The following CPEB3 variants were observed in gnomAD, a reference collection of about 807,000 sequenced individuals.
CPEB3 encodes cytoplasmic polyadenylation element-binding protein 3.
A neutral mutation model predicts 67.2 loss-of-function variants in CPEB3; 20 were observed. The observed-to-expected ratio is 0.30, with a 90% CI of 0.21 to 0.43. CPEB3 has a LOEUF of 0.43. Among genes scored for constraint, CPEB3 ranks in the 20% least tolerant of loss-of-function variants. The probability of loss-of-function intolerance (pLI) is 1.00; values close to 1 mark genes in which losing one functional copy is unlikely to be tolerated. For missense variants in CPEB3, 746 were observed against 968.6 expected, an observed-to-expected ratio of 0.77 and a Z score of 3.05; for synonymous variants, 376 against 393.1, an observed-to-expected ratio of 0.96 and a Z score of 0.51.
At chr10:92,082,130 CA>C (rs1345950882) in intron 8 of CPEB3, among the ~76,000 whole-genome samples, 1 of 152,224 alleles carries the variant, frequency 6.6e-6, no homozygotes, top group Non-Finnish European at 1.5e-5. Context: ...CCACAATAAA[CA>C]TTTACTGAGC....
intron 2 of CPEB3, among the ~76,000 whole-genome samples, chr10:92,203,360 A>G (rs1454823741): frequency 2.1e-5 from 3 of 145,790 alleles, no homozygotes; most frequent in Admixed American, 6.9e-5. Context: ...ATATATGTAT[A>G]TATATGTATA....
intron 6 of CPEB3, among the ~76,000 whole-genome samples, chr10:92,114,389 C>A (rs1243319505): frequency 1.3e-5 from 2 of 152,136 alleles, no homozygotes; most frequent in Non-Finnish European, 2.9e-5. Context: ...AGAAAAAGAT[C>A]CCTTCAAGAA....
At chr10:92,160,303 G>A (rs1346174840) in intron 4 of CPEB3, among the ~76,000 whole-genome samples, 3 of 152,158 alleles carry the variant, frequency 2.0e-5, no homozygotes, top group Non-Finnish European at 4.4e-5. Flanking sequence ...TACGAAAGGG[G>A]ATGCATTCCA....
At chr10:92,248,698 T>C (rs1489198964) in intron 1 of CPEB3, among the ~76,000 whole-genome samples, 1 of 152,212 alleles carries the variant, frequency 6.6e-6, no homozygotes, top group East Asian at 1.9e-4. Flanking sequence ...TTTTGGCTTT[T>C]ATGATGTTCA....
intron 3 of CPEB3, among the ~76,000 whole-genome samples, chr10:92,185,765 T>C (rs1848659402): frequency 6.6e-6 from 1 of 152,230 alleles, no homozygotes; most frequent in Non-Finnish European, 1.5e-5. Flanking sequence ...TACTGGGTTT[T>C]ATTTCCCACT....
At chr10:92,128,735 A>G (rs952472452) in intron 6 of CPEB3, among the ~76,000 whole-genome samples, 25 of 152,222 alleles carry the variant, frequency 1.6e-4, no homozygotes, top group Non-Finnish European at 2.8e-4. Context: ...GCCAACAAAC[A>G]TGAAAAAAAG....
At chr10:92,198,652 T>C (rs1849355352) in intron 2 of CPEB3, among the ~76,000 whole-genome samples, 1 of 152,234 alleles carries the variant, frequency 6.6e-6, no homozygotes, top group Admixed American at 6.5e-5. Flanking sequence ...AACCATGTGC[T>C]AGGCACTGGA....
chr10:92,256,230 C>T (rs1345620045), intron 1 of CPEB3, among the ~76,000 whole-genome samples: 1 of 152,034 alleles, frequency 6.6e-6, no homozygotes, highest in East Asian at 1.9e-4. Context: ...ACCTGAACTA[C>T]AGCAGTGATC....
intron 2 of CPEB3, among the ~76,000 whole-genome samples, chr10:92,198,911 G>C (rs1030267783): frequency 2.6e-5 from 4 of 152,190 alleles, no homozygotes; most frequent in Admixed American, 2.6e-4. Context: ...GGAAGAAAGG[G>C]ACACAGACAG....
intron 4 of CPEB3, among the ~76,000 whole-genome samples, chr10:92,175,697 G>T (rs1481960813): frequency 6.6e-6 from 1 of 152,180 alleles, no homozygotes; most frequent in Non-Finnish European, 1.5e-5. Flanking sequence ...CAGAGAAAAA[G>T]ATTCACACAA....
At chr10:92,277,649 G>A (rs1231059663) in intron 1 of CPEB3, among the ~76,000 whole-genome samples, 4 of 152,156 alleles carry the variant, frequency 2.6e-5, no homozygotes, top group Admixed American at 2.0e-4. Flanking sequence ...CGAGCACGTT[G>A]GGAGGTCAAG....
chr10:92,057,287 A>G (rs1473859620), intron 9 of CPEB3, among the ~76,000 whole-genome samples: 1 of 152,140 alleles, frequency 6.6e-6, no homozygotes, highest in Non-Finnish European at 1.5e-5. Context: ...CTGACTTAAG[A>G]GCCCTAGGGC....
intron 9 of CPEB3, among the ~76,000 whole-genome samples, chr10:92,075,553 A>G (rs900415327): frequency 6.6e-6 from 1 of 152,268 alleles, no homozygotes; most frequent in Non-Finnish European, 1.5e-5. Context: ...TGAATAGCAT[A>G]AAACAGCTCA....
At chr10:92,110,160 T>TC (rs1244051620) in intron 7 of CPEB3, among the ~76,000 whole-genome samples, 5 of 152,130 alleles carry the variant, frequency 3.3e-5, no homozygotes, top group African/African-American at 1.2e-4. Context: ...TCCAACTATT[T>TC]CCCCATGCAC....
At chr10:92,217,627 T>C (rs1850493261) in intron 2 of CPEB3, among the ~76,000 whole-genome samples, 1 of 152,036 alleles carries the variant, frequency 6.6e-6, no homozygotes, top group South Asian at 2.1e-4. Flanking sequence ...CTGGGCGTGG[T>C]GGCACATGCC....
rs188977177 is a variant in CPEB3 at position 92,102,584 on chromosome 10, C to T, written c.1572+8492G>A. ...GAACTTCAGTTACTGATGAACAATTCGAACAATTCGGTATACTGTTTCATA... is the reference window on the plus strand; with the variant it reads ...GAACTTCAGTTACTGATGAACAATTTGAACAATTCGGTATACTGTTTCATA... On this transcript the variant is annotated intron_variant, in intron 7 of 9. Transcript: ENST00000265997. Among the ~76,000 whole-genome samples, 486 of 152,268 alleles carry T rather than the reference C, an allele frequency of 3.2e-3. 2 individuals are homozygous for T. Among genetic ancestry groups the T allele is most frequent in the Non-Finnish European group, 5.5e-3 (373 of 68,012 alleles).
intron 6 of CPEB3, among the ~76,000 whole-genome samples, chr10:92,140,759 A>G (rs1345371685): frequency 8.1e-6 from 1 of 122,910 alleles, no homozygotes; most frequent in Non-Finnish European, 1.7e-5. Context: ...TCCAGAATCT[A>G]CAATGAACTC....
chr10:92,211,231 A>C (rs1850066658), intron 2 of CPEB3, among the ~76,000 whole-genome samples: 1 of 152,218 alleles, frequency 6.6e-6, no homozygotes, highest in African/African-American at 2.4e-5. Context: ...TTTGTTTAGA[A>C]AATTTGATGA....
intron 4 of CPEB3, among the ~76,000 whole-genome samples, chr10:92,148,204 G>A (rs918967585): frequency 1.3e-5 from 2 of 152,098 alleles, no homozygotes; most frequent in African/African-American, 4.8e-5. Context: ...TGAACTGCAA[G>A]GCCTCTGCAC....
Sources: allele counts gnomAD v4.1 joint callset (sites outside exome capture counted in the v4.1 genomes callset), GRCh38; gene constraint gnomAD v4.1.1; transcripts MANE v1.5; gene names NCBI Gene and HGNC (gene_info 2026-07-23, HGNC 2026-07-21).